Variants in TRIM24 observed in about 807,000 individuals in gnomAD.
TRIM24 encodes tripartite motif containing 24, also known as transcription intermediary factor 1-alpha.
A neutral mutation model predicts 123.9 loss-of-function variants in TRIM24; 29 were observed. The observed-to-expected ratio is 0.23, with a 90% CI of 0.17 to 0.32. TRIM24 has a LOEUF of 0.32. Among genes scored for constraint, TRIM24 ranks in the 10% least tolerant of loss-of-function variants. The probability of loss-of-function intolerance (pLI) is 1.00; values close to 1 mark genes in which losing one functional copy is unlikely to be tolerated. For missense variants in TRIM24, 932 were observed against 1,295.3 expected (o/e 0.72, Z 4.31); for synonymous variants, 456 against 461.1 (o/e 0.99, Z 0.14).
At chr7:138,488,945 G>T (rs1035912546) in intron 1 of TRIM24, among the ~76,000 whole-genome samples, 1 of 152,090 alleles carries the variant, frequency 6.6e-6, no homozygotes, top group African/African-American at 2.4e-5. Flanking sequence ...GTTGACAGTG[G>T]GGTGTTAAAG....
chr7:138,460,338 G>A lies in TRIM24; in HGVS notation c.-211G>A, dbSNP rs972642979. On this transcript the variant is annotated 5_prime_UTR_variant, in exon 1 of 19. Transcript: ENST00000343526. Reference sequence around the variant, plus strand: ...GTGCGAGGAACGGTCTCCGCTGACAGATACCCTCCTTCCGGCCGCGCCACT... The same window carrying A: ...GTGCGAGGAACGGTCTCCGCTGACAAATACCCTCCTTCCGGCCGCGCCACT... 5 of 440,054 alleles carry A rather than the reference G, an allele frequency of 1.1e-5. No homozygotes were observed. Among genetic ancestry groups the A allele is most frequent in the Admixed American group, 4.5e-5 (1 of 22,352 alleles). 27.3% of individuals were successfully genotyped at this position (440,054 alleles called of 1,614,324 possible).
intron 1 of TRIM24, among the ~76,000 whole-genome samples, chr7:138,461,710 A>G (rs1794977567): frequency 6.6e-6 from 1 of 152,230 alleles, no homozygotes; most frequent in Admixed American, 6.5e-5. Context: ...GAAACATTTA[A>G]AGTAAGTTTG....
intron 1 of TRIM24, among the ~76,000 whole-genome samples, chr7:138,490,376 G>A (rs574375643): frequency 1.3e-5 from 2 of 152,062 alleles, no homozygotes; most frequent in Non-Finnish European, 2.9e-5. Context: ...GTTATTCTCC[G>A]TCCAGCTTTG....
At chr7:138,550,263 C>T (rs897952008) in intron 7 of TRIM24, among the ~76,000 whole-genome samples, 1 of 150,970 alleles carries the variant, frequency 6.6e-6, no homozygotes, top group Non-Finnish European at 1.5e-5. Flanking sequence ...CTAGGGCAAA[C>T]GTTGAGGAGA....
intron 7 of TRIM24, among the ~76,000 whole-genome samples, chr7:138,545,288 A>G (rs1797079891): frequency 6.6e-6 from 1 of 152,110 alleles, no homozygotes; most frequent in South Asian, 2.1e-4. Context: ...CACATTGGAG[A>G]GGGTTGGGGA....
chr7:138,544,347 G>A (rs745968706), intron 7 of TRIM24, among the ~76,000 whole-genome samples: 4 of 152,088 alleles, frequency 2.6e-5, no homozygotes, highest in Non-Finnish European at 4.4e-5. Context: ...CAAATAGCAG[G>A]ATTTCTTTCC....
chr7:138,537,779 T>A (rs891003042), intron 6 of TRIM24, among the ~76,000 whole-genome samples: 1 of 152,202 alleles, frequency 6.6e-6, no homozygotes, highest in Non-Finnish European at 1.5e-5. Flanking sequence ...CTCAAGTGTA[T>A]TTTCCAAATC....
chr7:138,548,863 A>G (rs1304891384), intron 7 of TRIM24, among the ~76,000 whole-genome samples: 3 of 152,170 alleles, frequency 2.0e-5, no homozygotes, highest in Admixed American at 1.3e-4. Flanking sequence ...TCCAAAGTTC[A>G]TATCATCAAT....
chr7:138,584,637 T>G, intron 18 of TRIM24, 105 bp from the exon 19 acceptor site: 1 of 872,562 alleles, frequency 1.1e-6, no homozygotes, highest in Non-Finnish European at 1.7e-6. Context: ...AACTATTATT[T>G]CAATGACTAT....
intron 7 of TRIM24, among the ~76,000 whole-genome samples, chr7:138,547,302 T>TA (rs934617499): frequency 6.0e-4 from 91 of 152,280 alleles, no homozygotes; most frequent in African/African-American, 2.2e-3. Context: ...ATAGGAGGAA[T>TA]AAGTTCACCA....
At chr7:138,461,043 G>A in intron 1 of TRIM24, 131 bp downstream of exon 1, 1 of 958,260 alleles carries the variant, frequency 1.0e-6, no homozygotes, top group Non-Finnish European at 1.6e-6. Flanking sequence ...CGAGCAGGAG[G>A]GTCTGTGCTG....
rs368191685 is a variant in TRIM24, at chr7:138,581,867, T to C, written c.2793+96T>C. On this transcript the variant is annotated intron_variant, in intron 17 of 18. Transcript: ENST00000343526. ...CTTATATTACCATTTTTCAGTACTT[T>C]TTAATATCTAAACCTTAAATCTTAA... 13 of 956,974 alleles carry C rather than the reference T, an allele frequency of 1.4e-5. 1 individual carries two copies. In the South Asian group the frequency reaches 2.0e-4, roughly 14 times the overall value. The allele number at this position is 956,974 out of a possible 1,614,324, so 59.3% of individuals were successfully genotyped here. A position where few individuals can be genotyped will look rare whatever the true frequency, so the allele number is the denominator to read the frequency against.
intron 6 of TRIM24, among the ~76,000 whole-genome samples, chr7:138,530,466 T>TA (rs1160950596): frequency 2.0e-5 from 3 of 151,596 alleles, no homozygotes; most frequent in South Asian, 2.1e-4. Context: ...TTCTTAAAAT[T>TA]AAAAAAAAAT....
intron 1 of TRIM24, among the ~76,000 whole-genome samples, chr7:138,467,532 G>A (rs535903806): frequency 2.6e-5 from 4 of 152,114 alleles, no homozygotes; most frequent in East Asian, 1.9e-4. Context: ...TAGTAGAGAC[G>A]GGGTTTCACC....
At chr7:138,538,630 AT>A (rs1293662511) in intron 6 of TRIM24, 26 bp from the exon 7 acceptor site, 1 of 1,612,460 alleles carries the variant, frequency 6.2e-7, no homozygotes, top group Admixed American at 1.7e-5. Flanking sequence ...GCTGATACTA[AT>A]TTTGAAACTA....
chr7:138,519,703 G>T (rs921742892), intron 4 of TRIM24, among the ~76,000 whole-genome samples: 1 of 152,130 alleles, frequency 6.6e-6, no homozygotes, highest in Non-Finnish European at 1.5e-5. Flanking sequence ...AGAACTAGTT[G>T]CCAGCATTGT....
chr7:138,488,500 C>T (rs1795701558), intron 1 of TRIM24, among the ~76,000 whole-genome samples: 1 of 152,152 alleles, frequency 6.6e-6, no homozygotes, highest in African/African-American at 2.4e-5. Flanking sequence ...TATAAATTTC[C>T]CTCCTCACAC....
chr7:138,473,008 G>A (rs535591824), intron 1 of TRIM24, among the ~76,000 whole-genome samples: 1 of 152,134 alleles, frequency 6.6e-6, no homozygotes, highest in Non-Finnish European at 1.5e-5. Context: ...GGCTGGGTGC[G>A]TTGGCTCATG....
intron 1 of TRIM24, among the ~76,000 whole-genome samples, chr7:138,473,194 T>C (rs546618163): frequency 6.6e-6 from 1 of 152,244 alleles, no homozygotes; most frequent in South Asian, 2.1e-4. Context: ...GCAGGAGAAT[T>C]GCTTGAACCC....
Sources: gnomAD v4.1 joint callset for allele counts (sites outside exome capture counted in the v4.1 genomes callset) on GRCh38, gnomAD v4.1.1 for gene constraint, MANE v1.5 for transcripts, NCBI Gene and HGNC (gene_info 2026-07-23, HGNC 2026-07-21) for gene names.